Variants in MTX3 observed in about 807,000 individuals in gnomAD.
MTX3 encodes metaxin 3, also known as metaxin-3.
In MTX3, 27 loss-of-function variants were observed where a neutral mutation model predicts 42.5. The observed-to-expected ratio is 0.64, with a 90% confidence interval of 0.47 to 0.88. The LOEUF (loss-of-function observed/expected upper bound fraction) is 0.88, where lower values mean the gene tolerates loss of function less well. MTX3 is among the 40% of genes least tolerant of loss of function. The pLI is 0.00. For synonymous variants in MTX3, 144 were observed against 132.9 expected, an observed-to-expected ratio of 1.08 and a Z score of -0.57; for missense variants, 378 against 367.0, an observed-to-expected ratio of 1.03 and a Z score of -0.25.
At chr5:79,986,584 A>G in intron 7 of MTX3, 1 of 360,324 alleles carries the variant, frequency 2.8e-6, no homozygotes, top group Non-Finnish European at 5.4e-6. Context: ...AGCAGGTAAA[A>G]ATCATTTAAA....
chr5:79,984,071 C>T (rs764270805), intron 8 of MTX3, among the ~76,000 whole-genome samples: 18 of 152,152 alleles, frequency 1.2e-4, no homozygotes, highest in Non-Finnish European at 2.2e-4. Flanking sequence ...TGAACTCAAC[C>T]ATAACTTAAA....
Position 79,983,693 on chromosome 5 carries a change from A to G in MTX3, c.930T>C (p.Leu310=). Residue 310 remains leucine, a synonymous_variant, in exon 9 of 9, where the codon CTT becomes CTC. Transcript: ENST00000512528. ...CAAACCATGACTACTCTCAGGGCGA[A>G]AGCCGTTGGAAGGAATTATTTTCTT... ...AEEENNSFQR[L]SP is the part of the protein sequence containing the mutation. 1.2e-6 allele frequency: 2 copies of G among 1,612,710 alleles called. No individual in the cohort carries two copies. The highest frequency in any genetic ancestry group is 2.2e-5 in the East Asian group (1 of 44,876).
chr5:79,980,238 G>GT lies in MTX3; in HGVS notation c.*3445dup, dbSNP rs555725383. The GT allele has an allele frequency of 9.9e-5, 15 of 152,168 alleles. 1 individual carries two copies. The East Asian group carries it at 2.7e-3, about 27-fold the overall frequency. 9.4% of individuals were successfully genotyped at this position (152,168 alleles called of 1,614,324 possible). ...CACATGCAGCTGCCTTAACCAACAG[G>GT]TTTTCTAAGATACTATCCCCCTTAC... On this transcript the variant is annotated 3_prime_UTR_variant, in exon 9 of 9. Transcript: ENST00000512528.
intron 6 of MTX3, among the ~76,000 whole-genome samples, chr5:79,987,655 T>TG (rs1309930447): frequency 3.9e-5 from 6 of 152,140 alleles, no homozygotes; most frequent in South Asian, 2.1e-4. Flanking sequence ...AAAATGAAAT[T>TG]GTCTTTATAG....
In MTX3 at chr5:79,983,322, TAAATC is replaced by T. The variant is rs1580883138; in HGVS notation, c.*357_*361del. 1 of 175,486 alleles carries T rather than the reference TAAATC, an allele frequency of 5.7e-6. No homozygotes were observed. Among genetic ancestry groups the T allele is most frequent in the Admixed American group, 5.7e-5 (1 of 17,488 alleles). 10.9% of individuals were successfully genotyped at this position (175,486 alleles called of 1,614,324 possible). A position where few individuals can be genotyped will look rare whatever the true frequency, so the allele number is the denominator to read the frequency against. On this transcript the variant is annotated 3_prime_UTR_variant, in exon 9 of 9. Transcript: ENST00000512528. Reference sequence around the variant, plus strand: ...AACTAAGTTAATAAATTGAATAAATTAAATCAAATAAATTAGGAGTGCACATTCAG... The same window carrying T: ...AACTAAGTTAATAAATTGAATAAATTAAATAAATTAGGAGTGCACATTCAG...
At chr5:79,985,143 G>C (rs945811776) in intron 8 of MTX3, among the ~76,000 whole-genome samples, 9 of 152,044 alleles carry the variant, frequency 5.9e-5, no homozygotes, top group Non-Finnish European at 1.3e-4. Context: ...CACCATGCCC[G>C]GCTAATTTTT....
chr5:79,990,201 CCATGT>C lies in MTX3; in HGVS notation c.182_186del (p.Asp61GlyfsTer17). The C allele has an allele frequency of 6.2e-7, 1 of 1,610,282 alleles. No homozygotes were observed. The highest frequency in any genetic ancestry group is 8.5e-7 in the Non-Finnish European group (1 of 1,178,354). The stretch of plus-strand genomic sequence containing the variant: ...TTTAGTATTTTTGCTGGCTGAGAAA[CCATGT>C]CGTCTTCAGTTGTCAAAATTGGTAC... On this transcript the variant is annotated frameshift_variant, in exon 3 of 9. Coordinates refer to ENST00000512528, the MANE Select transcript of MTX3 (RefSeq NM_001363818.2). LOFTEE classifies it high-confidence loss of function.
At chr5:79,990,846 C>A in intron 1 of MTX3, 183 bp from the exon 2 acceptor site, 2 of 716,630 alleles carry the variant, frequency 2.8e-6, no homozygotes. Flanking sequence ...GACTTTGCTC[C>A]CCAAAAGGTC....
In MTX3 at chr5:79,978,648, T is replaced by C. The variant is rs1831308502; in HGVS notation, c.*5036A>G. On this transcript the variant is annotated 3_prime_UTR_variant, in exon 9 of 9. Transcript: ENST00000512528. Reference sequence around the variant, plus strand: ...TAAATTAGGGAAATGATGTATAAAATAGAGGTGCTTCTTGGAGATTTAAAA... The same window carrying C: ...TAAATTAGGGAAATGATGTATAAAACAGAGGTGCTTCTTGGAGATTTAAAA... 1 of 152,116 alleles carries C rather than the reference T, an allele frequency of 6.6e-6. No homozygotes were observed. The highest frequency in any genetic ancestry group is 2.1e-4 in the South Asian group (1 of 4,818). 9.4% of individuals were successfully genotyped at this position (152,116 alleles called of 1,614,324 possible).
Position 79,978,793 on chromosome 5 carries a change from A to C in MTX3, c.*4891T>G, listed in dbSNP as rs941068468. 2 of 152,540 alleles carry C rather than the reference A, an allele frequency of 1.3e-5. No homozygotes were observed. Among genetic ancestry groups the C allele is most frequent in the African/African-American group, 4.8e-5 (2 of 41,430 alleles). The allele number at this position is 152,540 out of a possible 1,614,324, so 9.4% of individuals were successfully genotyped here. A position where few individuals can be genotyped will look rare whatever the true frequency, so the allele number is the denominator to read the frequency against. ...ATTCTCCTAACAATATATTCTGACA[A>C]AACACTCCTTCAGGAACTGCTTCAC... On this transcript the variant is annotated 3_prime_UTR_variant, in exon 9 of 9. Coordinates refer to ENST00000512528, the MANE Select transcript of MTX3 (RefSeq NM_001363818.2).
rs1245527183 is a variant in MTX3 at position 79,981,770 on chromosome 5, TA to T, written c.*1913del. 1.3e-5 allele frequency: 2 copies of T among 151,938 alleles called. No individual in the cohort carries two copies. Among genetic ancestry groups the T allele is most frequent in the Non-Finnish European group, 2.9e-5 (2 of 67,954 alleles). 9.4% of individuals were successfully genotyped at this position (151,938 alleles called of 1,614,324 possible). On this transcript the variant is annotated 3_prime_UTR_variant, in exon 9 of 9. Transcript: ENST00000512528. ...TTTTAATTTTTTTAATTTAAATTTT[TA>T]AAATTTTTAATTCTTTAAAATTTAA...
chr5:79,984,873 A>G (rs1831453316), intron 8 of MTX3, among the ~76,000 whole-genome samples: 1 of 152,240 alleles, frequency 6.6e-6, no homozygotes, highest in Non-Finnish European at 1.5e-5. Flanking sequence ...TGGAAAGAAG[A>G]AAAGAACACG....
At position 79,986,950 on chromosome 5, in the gene MTX3, C is replaced by T; in HGVS notation, c.739G>A (p.Gly247Ser). ...LSSYFRLSLG[G>S]ISPAGQETVD... ...ATTAGCTGAAAAAGAGCCAGCTTAC[C>T]TCCAAGACTAAGCCTAAAATAACTG... Residue 247 changes from glycine to serine, a missense_variant and splice_region_variant, in exon 7 of 9, where the codon GGC becomes AGC. Physicochemically the swap from Gly to Ser is moderately conservative, Grantham distance 56. Transcript: ENST00000512528. 2 of 1,613,288 alleles carry T rather than the reference C, an allele frequency of 1.2e-6. No homozygotes were observed. Among genetic ancestry groups the T allele is most frequent in the Non-Finnish European group, 8.5e-7 (1 of 1,179,558 alleles).
At position 79,980,767 on chromosome 5, in the gene MTX3, C is replaced by G. The variant is rs1831355027; in HGVS notation, c.*2917G>C. The G allele has an allele frequency of 6.6e-6, 1 of 152,154 alleles. No homozygotes were observed. The highest frequency in any genetic ancestry group is 6.5e-5 in the Admixed American group (1 of 15,278). The allele number at this position is 152,154 out of a possible 1,614,324, so 9.4% of individuals were successfully genotyped here. On this transcript the variant is annotated 3_prime_UTR_variant, in exon 9 of 9. Transcript: ENST00000512528. Reference sequence around the variant, plus strand: ...CAGTATTCTGTTTAAGATTGTGGACCATTTATCCCAATGAACTCACTCAAA... The same window carrying G: ...CAGTATTCTGTTTAAGATTGTGGACGATTTATCCCAATGAACTCACTCAAA...
chr5:79,985,153 T>G (rs1831461564), intron 8 of MTX3, among the ~76,000 whole-genome samples: 1 of 152,078 alleles, frequency 6.6e-6, no homozygotes, highest in Non-Finnish European at 1.5e-5. Context: ...GGCTAATTTT[T>G]TGTATTTTTA....
At chr5:79,988,754 C>A (rs1275328688) in intron 4 of MTX3, 110 bp from the exon 5 acceptor site, 3 of 998,012 alleles carry the variant, frequency 3.0e-6, no homozygotes, top group African/African-American at 3.3e-5. Context: ...TGTCTTCATA[C>A]AAATTTTCCA....
chr5:79,990,478 G>T, intron 2 of MTX3, 116 bp downstream of exon 2: 1 of 747,284 alleles, frequency 1.3e-6, no homozygotes, highest in Non-Finnish European at 2.2e-6. Context: ...ACAACACAGA[G>T]CCAAGGTCAC....
Position 79,983,765 on chromosome 5 carries a change from C to T in MTX3, c.858G>A (p.Gln286=), listed in dbSNP as rs573324156. 7.7e-5 allele frequency: 125 copies of T among 1,613,818 alleles called. No homozygotes were observed. Among genetic ancestry groups the T allele is most frequent in the Non-Finnish European group, 9.7e-5 (114 of 1,179,750 alleles). The change falls in exon 9 of 9, where the codon CAG becomes CAA. Residue 286 remains glutamine (Q), a synonymous_variant. Coordinates refer to ENST00000512528, the MANE Select transcript of MTX3 (RefSeq NM_001363818.2). ...KMDDNLRQSP[Q]LPPRKLPTLK... ...GTGTTGGCAGTTTCCGAGGAGGAAGCTGAGGGCTTTGGCGAAGATTGTCAT... is the reference window on the plus strand; with the variant it reads ...GTGTTGGCAGTTTCCGAGGAGGAAGTTGAGGGCTTTGGCGAAGATTGTCAT...
In MTX3 at chr5:79,990,143, C is replaced by T; in HGVS notation, c.228+17G>A. 6.4e-7 allele frequency: 1 copy of T among 1,567,920 alleles called. No individual in the cohort carries two copies. The highest frequency in any genetic ancestry group is 2.3e-5 in the East Asian group (1 of 44,184). ...TCAACAATCTACCAATCTACTTCTT[C>T]AAAGTGAACCACCCACCTGTTTTCT... On this transcript the variant is annotated intron_variant, in intron 3 of 8. Transcript: ENST00000512528.
Sources: gnomAD v4.1 joint callset for allele counts (sites outside exome capture counted in the v4.1 genomes callset) on GRCh38, gnomAD v4.1.1 for gene constraint, MANE v1.5 for transcripts, NCBI Gene and HGNC (gene_info 2026-07-23, HGNC 2026-07-21) for gene names.